Variants in PRPF6 observed in about 807,000 individuals in gnomAD.
PRPF6 encodes the protein pre-mRNA processing factor 6, also known as pre-mRNA-processing factor 6.
PRPF6 carries 42 observed loss-of-function variants against 118.3 expected under a neutral mutation model. The observed-to-expected ratio is 0.35, with a 90% CI of 0.28 to 0.46. The LOEUF is 0.46. PRPF6 is among the 20% of genes least tolerant of loss of function. PRPF6 has a pLI of 1.00. For synonymous variants in PRPF6, 481 were observed against 485.1 expected (o/e 0.99, Z 0.11); for missense variants, 662 against 1,255.7 (o/e 0.53, Z 7.15).
intron 1 of PRPF6, among the ~76,000 whole-genome samples, chr20:63,981,783 C>T: frequency 6.6e-6 from 1 of 151,820 alleles, no homozygotes; most frequent in Non-Finnish European, 1.5e-5. Context: ...ATGAGGAACA[C>T]TACTGGGTTT....
chr20:64,000,915 G>A lies in PRPF6; in HGVS notation c.1024-162G>A, dbSNP rs185949534. 6.4e-3 allele frequency among the ~76,000 whole-genome samples: 973 copies of A among 152,306 alleles called. 5 individuals carry two copies. The highest frequency in any genetic ancestry group is 0.014 in the Middle Eastern group (4 of 294). Reference sequence around the variant, plus strand: ...TATGGTAGCCATGTTCCCAAGTGTGGTTATAAGGGGGCGACTCCTGGTGCA... The same window carrying A: ...TATGGTAGCCATGTTCCCAAGTGTGATTATAAGGGGGCGACTCCTGGTGCA... On this transcript the variant is annotated intron_variant, in intron 8 of 20. Coordinates refer to ENST00000266079, the MANE Select transcript of PRPF6 (RefSeq NM_012469.4).
Position 64,027,952 on chromosome 20 carries a change from A to C in PRPF6, c.2339+216A>C, listed in dbSNP as rs1176965989. 2.0e-5 allele frequency among the ~76,000 whole-genome samples: 3 copies of C among 151,912 alleles called. No homozygotes were observed. Among genetic ancestry groups the C allele is most frequent in the African/African-American group, 4.8e-5 (2 of 41,332 alleles). On this transcript the variant is annotated intron_variant, in intron 17 of 20. Transcript: ENST00000266079. This position sits in a 1 kb window ranked among gnomAD's most constrained non-coding sequence, Gnocchi z 6.5. ...GCCTGTAGATGGTTTGATGCAGTTT[A>C]ATTTGTGTTCTGATGGAGGGCGCCT...
At position 63,981,204 on chromosome 20, in the gene PRPF6, G is replaced by A. The variant is rs371248162; in HGVS notation, c.-42G>A. The A allele has an allele frequency of 1.3e-5, 21 of 1,570,470 alleles. No individual in the cohort carries two copies. The African/African-American group carries it at 1.9e-4, about 14-fold the overall frequency. On this transcript the variant is annotated 5_prime_UTR_variant, in exon 1 of 21. Transcript: ENST00000266079. ...TCTCTGCGTCTTTCCCTCTTCCGCT[G>A]CCTCATTCCTTTCCTTCCTAGCCTT...
chr20:64,031,878 C>T, intron 19 of PRPF6, 40 bp from the exon 20 acceptor site: 1 of 1,613,728 alleles, frequency 6.2e-7, no homozygotes, highest in South Asian at 1.1e-5. Flanking sequence ...TACCGTCCTG[C>T]AGCCACTCAC....
chr20:63,981,645 C>A (rs1267661703), intron 1 of PRPF6, among the ~76,000 whole-genome samples: 1 of 111,364 alleles, frequency 9.0e-6, no homozygotes, highest in Admixed American at 8.5e-5. Context: ...GCTGACACTC[C>A]CCCCCCCCGC....
Position 64,029,578 on chromosome 20 carries a change from T to A in PRPF6, c.2546+87T>A. ...TCTGTCTGCCTCTTCCTGGTCATTGTAAAGATGCCCGGCAGCAGGGTGGGC... is the reference window on the plus strand; with the variant it reads ...TCTGTCTGCCTCTTCCTGGTCATTGAAAAGATGCCCGGCAGCAGGGTGGGC... On this transcript the variant is annotated intron_variant, in intron 19 of 20. Transcript: ENST00000266079. This position sits in a 1 kb window ranked among gnomAD's most constrained non-coding sequence, Gnocchi z 4.8. 8.3e-7 allele frequency: 1 copy of A among 1,202,944 alleles called. No homozygotes were observed. Among genetic ancestry groups the A allele is most frequent in the Non-Finnish European group, 1.2e-6 (1 of 818,430 alleles). The allele number at this position is 1,202,944 out of a possible 1,614,324, so 74.5% of individuals were successfully genotyped here.
rs191744180 is a variant in PRPF6 at position 64,025,052 on chromosome 20, G to T, written c.1908+359G>T. 5.8e-3 allele frequency among the ~76,000 whole-genome samples: 887 copies of T among 151,964 alleles called. 10 individuals are homozygous for T. Among genetic ancestry groups the T allele is most frequent in the African/African-American group, 0.021 (860 of 41,416 alleles). ...CCTGGTTGTCATGAGGGGGGTGTGT[G>T]TTTTTTTTAAGTACCTTGTCTTTAT... On this transcript the variant is annotated intron_variant, in intron 14 of 20. Transcript: ENST00000266079.
chr20:64,032,576 T>A (rs968252450), intron 20 of PRPF6, among the ~76,000 whole-genome samples: 1 of 152,364 alleles, frequency 6.6e-6, no homozygotes, highest in Non-Finnish European at 1.5e-5. Flanking sequence ...TGAGCACTTG[T>A]GTGAGGCACA....
chr20:63,981,260 G>A lies in PRPF6; in HGVS notation c.15G>A (p.Lys5=), dbSNP rs1202075161. 9 of 1,609,562 alleles carry A rather than the reference G, an allele frequency of 5.6e-6. No homozygotes were observed. Among genetic ancestry groups the A allele is most frequent in the South Asian group, 1.1e-5 (1 of 90,274 alleles). The change falls in exon 1 of 21, where the codon AAG becomes AAA. Residue 5 remains lysine (K), a synonymous_variant. Transcript: ENST00000266079. ...TCGCCGCCACCATGAACAAGAAGAA[G>A]AAACCGTTCCTAGGGATGCCCGCGC... MNKK[K]KPFLGMPAPL...
Position 63,981,172 on chromosome 20 carries a change from C to T in PRPF6, c.-74C>T, listed in dbSNP as rs946086191. The stretch of plus-strand genomic sequence containing the variant: ...CTACGGAGTGCATCGGACGTCGAAG[C>T]CTAGAGTCTCTGCGTCTTTCCCTCT... On this transcript the variant is annotated 5_prime_UTR_variant, in exon 1 of 21. Transcript: ENST00000266079. 1.8e-5 allele frequency: 27 copies of T among 1,478,990 alleles called. No individual in the cohort carries two copies. The highest frequency in any genetic ancestry group is 2.3e-5 in the Non-Finnish European group (25 of 1,080,390). The allele number at this position is 1,478,990 out of a possible 1,614,324, so 91.6% of individuals were successfully genotyped here. A position where few individuals can be genotyped will look rare whatever the true frequency, so the allele number is the denominator to read the frequency against.
Position 64,011,509 on chromosome 20 carries a change from C to T in PRPF6, c.1524+6C>T, listed in dbSNP as rs2059217089. On this transcript the variant is annotated splice_donor_region_variant and intron_variant, in intron 11 of 20. Coordinates refer to ENST00000266079, the MANE Select transcript of PRPF6 (RefSeq NM_012469.4). This position sits in a 1 kb window ranked among gnomAD's most constrained non-coding sequence, Gnocchi z 6.7. ...ACCGTGAGCAGTGGATCCAGGTGGG[C>T]CGCAGGCGGGTGTCGTGGTGTCTGC... 6.2e-7 allele frequency: 1 copy of T among 1,610,680 alleles called. No individual in the cohort carries two copies. The highest frequency in any genetic ancestry group is 8.5e-7 in the Non-Finnish European group (1 of 1,179,030).
chr20:63,998,893 T>A (rs936893003), intron 6 of PRPF6, 152 bp from the exon 7 acceptor site: 2 of 628,658 alleles, frequency 3.2e-6, no homozygotes, highest in Admixed American at 2.5e-5. Context: ...TTTGTTATTA[T>A]CACAAGGTGT....
chr20:64,026,928 A>G lies in PRPF6; in HGVS notation c.2029-54A>G. On this transcript the variant is annotated intron_variant, in intron 15 of 20. Coordinates refer to ENST00000266079, the MANE Select transcript of PRPF6 (RefSeq NM_012469.4). This position sits in a 1 kb window ranked among gnomAD's most constrained non-coding sequence, Gnocchi z 4.4. The stretch of plus-strand genomic sequence containing the variant: ...CAGTGTTGAGGATGAGTGTACCATG[A>G]AGCACGTACCCTGGAGCTGATGCCC... 1 of 1,597,514 alleles carries G rather than the reference A, an allele frequency of 6.3e-7. No homozygotes were observed. Among genetic ancestry groups the G allele is most frequent in the Non-Finnish European group, 8.6e-7 (1 of 1,165,814 alleles).
intron 1 of PRPF6, 31 bp from the exon 2 acceptor site, chr20:63,983,016 A>C (rs1053324218): frequency 2.5e-6 from 4 of 1,611,424 alleles, no homozygotes; most frequent in Non-Finnish European, 3.4e-6. Flanking sequence ...AGAGTTATTC[A>C]GACACCCGGT....
intron 4 of PRPF6, among the ~76,000 whole-genome samples, chr20:63,994,682 G>T (rs1222044431): frequency 3.3e-5 from 5 of 152,138 alleles, no homozygotes; most frequent in Admixed American, 3.3e-4. Context: ...GAAGTGGGAG[G>T]ATCACTTGAG....
chr20:64,020,496 C>G (rs1217762266), intron 12 of PRPF6, among the ~76,000 whole-genome samples: 1 of 152,216 alleles, frequency 6.6e-6, no homozygotes, highest in Non-Finnish European at 1.5e-5. Context: ...GAACAGGTGT[C>G]TGAACCTGGC....
intron 4 of PRPF6, 34 bp from the exon 5 acceptor site, chr20:63,994,882 A>G (rs748718619): frequency 2.2e-5 from 35 of 1,613,866 alleles, no homozygotes; most frequent in Non-Finnish European, 5.1e-6. Flanking sequence ...ATTCTGTCAG[A>G]GAATTAATGT....
intron 11 of PRPF6, among the ~76,000 whole-genome samples, chr20:64,013,389 G>A (rs1002029975): frequency 2.6e-5 from 4 of 152,080 alleles, no homozygotes; most frequent in African/African-American, 7.2e-5. Flanking sequence ...ACTATTTTCT[G>A]TTATATTTTA....
chr20:63,983,576 T>C (rs817356), intron 2 of PRPF6, among the ~76,000 whole-genome samples: 3,681 of 92,936 alleles, frequency 0.04, 353 homozygotes, highest in African/African-American at 0.11. Flanking sequence ...TTTTTTGAGA[T>C]GGAATTTCGC....
Sources: allele counts gnomAD v4.1 joint callset (sites outside exome capture counted in the v4.1 genomes callset), GRCh38; gene constraint gnomAD v4.1.1; non-coding constraint Gnocchi (gnomAD v3.1); transcripts MANE v1.5; gene names NCBI Gene and HGNC (gene_info 2026-07-23, HGNC 2026-07-21).